EPB41L4B: variants seen among roughly 807,000 people sequenced by gnomAD.
EPB41L4B encodes the protein band 4.1-like protein 4B.
Under a neutral mutation model 112.5 loss-of-function variants are expected in EPB41L4B, and 30 were observed. The observed-to-expected ratio is 0.27, with a 90% CI of 0.20 to 0.36. The LOEUF (loss-of-function observed/expected upper bound fraction) is 0.36, where lower values mean the gene tolerates loss of function less well. Ranked by LOEUF, EPB41L4B falls within the 10% of genes least tolerant of loss-of-function variation. EPB41L4B has a pLI of 1.00. For missense variants in EPB41L4B, 1,024 were observed against 1,133.3 expected (o/e 0.90, Z 1.38); for synonymous variants, 408 against 439.7 (o/e 0.93, Z 0.90).
At chr9:109,263,211 G>A in intron 5 of EPB41L4B, 109 bp from the exon 6 acceptor site, 2 of 725,840 alleles carry the variant, frequency 2.8e-6, no homozygotes, top group Non-Finnish European at 4.7e-6. Flanking sequence ...ATAATGACTT[G>A]TATTCTTAGT....
intron 1 of EPB41L4B, among the ~76,000 whole-genome samples, chr9:109,305,190 G>A (rs76891551): frequency 0.18 from 26,154 of 148,026 alleles, 2,926 homozygotes; most frequent in Admixed American, 0.23. Flanking sequence ...GGGAGAAGTG[G>A]AAGAAGCGCG....
chr9:109,301,784 CAA>C (rs1836977839), intron 1 of EPB41L4B, among the ~76,000 whole-genome samples: 3 of 152,156 alleles, frequency 2.0e-5, no homozygotes, highest in Non-Finnish European at 4.4e-5. Flanking sequence ...AAAATAACCC[CAA>C]CTGATACTCA....
intron 1 of EPB41L4B, among the ~76,000 whole-genome samples, chr9:109,299,826 T>C (rs1302946400): frequency 6.6e-6 from 1 of 152,222 alleles, no homozygotes; most frequent in East Asian, 1.9e-4. Context: ...CTGCCTGTGC[T>C]GAAGTTCATA....
chr9:109,282,354 A>G (rs544347007), intron 1 of EPB41L4B, among the ~76,000 whole-genome samples: 1 of 152,374 alleles, frequency 6.6e-6, no homozygotes, highest in African/African-American at 2.4e-5. Flanking sequence ...TGAATACACT[A>G]AAAGCTGCTG....
At position 109,258,391 on chromosome 9, in the gene EPB41L4B, A is replaced by G. The variant is rs895140719; in HGVS notation, c.632-94T>C. On this transcript the variant is annotated intron_variant, in intron 6 of 25. Transcript: ENST00000374566. ...CCAAAGGCATTTTGCATCATTATAA[A>G]GCACAGCCCCCCGCCCCAATGTATA... 7.4e-6 allele frequency: 10 copies of G among 1,345,046 alleles called. No homozygotes were observed. In the African/African-American group the frequency reaches 1.0e-4, roughly 14 times the overall value. The allele number at this position is 1,345,046 out of a possible 1,614,324, so 83.3% of individuals were successfully genotyped here. A position where few individuals can be genotyped will look rare whatever the true frequency, so the allele number is the denominator to read the frequency against.
rs1177815562 is a variant in EPB41L4B, at chr9:109,200,292, C to T, written c.1989G>A (p.Val663=). 1.2e-6 allele frequency: 2 copies of T among 1,614,084 alleles called. No homozygotes were observed. Among genetic ancestry groups the T allele is most frequent in the Non-Finnish European group, 1.7e-6 (2 of 1,180,016 alleles). Reference sequence around the variant, plus strand: ...GGGGAGGCTTGATTTCCGGCTTTTCCACAGCTGGCTGGGCAGTTTCCACAC... The same window carrying T: ...GGGGAGGCTTGATTTCCGGCTTTTCTACAGCTGGCTGGGCAGTTTCCACAC... ...PIRVETAQPA[V]EKPEIKPPRV... The change falls in exon 20 of 26, where the codon GTG becomes GTA. Residue 663 remains valine (V), a synonymous_variant. Coordinates refer to ENST00000374566, the MANE Select transcript of EPB41L4B (RefSeq NM_019114.5).
At chr9:109,318,302 A>C (rs1012953965) in intron 1 of EPB41L4B, among the ~76,000 whole-genome samples, 1 of 152,152 alleles carries the variant, frequency 6.6e-6, no homozygotes, top group Non-Finnish European at 1.5e-5. Flanking sequence ...TTATAAAGTG[A>C]AGAAACCTTT....
In EPB41L4B at chr9:109,247,749, A is replaced by G; in HGVS notation, c.1344+7T>C. ...TTTAAAGAAAACCTTTAAAAGCAGT[A>G]TCTTACCTGGTAATTATGGACTTCT... is the stretch of plus-strand genomic sequence containing the variant. On this transcript the variant is annotated splice_region_variant and intron_variant, in intron 14 of 25. Transcript: ENST00000374566. 6.7e-7 allele frequency: 1 copy of G among 1,482,138 alleles called. No homozygotes were observed. The highest frequency in any genetic ancestry group is 9.0e-7 in the Non-Finnish European group (1 of 1,114,438). 91.8% of individuals were successfully genotyped at this position (1,482,138 alleles called of 1,614,324 possible). A position where few individuals can be genotyped will look rare whatever the true frequency, so the allele number is the denominator to read the frequency against.
Position 109,321,037 on chromosome 9 carries a change from C to G in EPB41L4B, c.-591G>C. The G allele has an allele frequency of 5.3e-6, 1 of 190,116 alleles. No homozygotes were observed. Among genetic ancestry groups the G allele is most frequent in the Non-Finnish European group, 1.1e-5 (1 of 94,264 alleles). 11.8% of individuals were successfully genotyped at this position (190,116 alleles called of 1,614,324 possible). On this transcript the variant is annotated 5_prime_UTR_variant, in exon 1 of 26. Coordinates refer to ENST00000374566, the MANE Select transcript of EPB41L4B (RefSeq NM_019114.5). ...GCCGCCGCCGCCGCCGCCGCCGCTG[C>G]CGCCGGGACTGCAGCACGCCCTCCT... is the stretch of plus-strand genomic sequence containing the variant.
intron 16 of EPB41L4B, among the ~76,000 whole-genome samples, chr9:109,216,378 C>T (rs146780809): frequency 2.2e-4 from 34 of 152,164 alleles, no homozygotes; most frequent in African/African-American, 5.5e-4. Flanking sequence ...TGGTGGCTCA[C>T]GCCTGTAATC....
At chr9:109,257,982 C>T (rs751388220) in intron 7 of EPB41L4B, among the ~76,000 whole-genome samples, 195 bp downstream of exon 7, 6 of 152,080 alleles carry the variant, frequency 3.9e-5, no homozygotes, top group East Asian at 1.9e-4. Context: ...GGCAACAGAG[C>T]GAGACTCTCT....
chr9:109,226,726 GTATATATATGAAGAA>G (rs1319754156), intron 15 of EPB41L4B, among the ~76,000 whole-genome samples: 7 of 119,866 alleles, frequency 5.8e-5, no homozygotes, highest in Non-Finnish European at 8.5e-5. Context: ...TATATATGAA[GTATATATATGAAGAA>G]TATATATATG....
intron 4 of EPB41L4B, 126 bp downstream of exon 4, chr9:109,267,347 C>T (rs543911812): frequency 1.7e-6 from 1 of 605,782 alleles, no homozygotes; most frequent in African/African-American, 1.9e-5. Flanking sequence ...CGGAAAAGTA[C>T]TAATAACTCT....
chr9:109,256,769 C>T (rs1222580337), intron 7 of EPB41L4B, among the ~76,000 whole-genome samples: 6 of 152,178 alleles, frequency 3.9e-5, no homozygotes, highest in African/African-American at 1.4e-4. Context: ...ATGGTGAAAC[C>T]CCATCTCTGC....
chr9:109,194,180 C>A, intron 21 of EPB41L4B, 40 bp downstream of exon 21: 2 of 1,590,518 alleles, frequency 1.3e-6, no homozygotes, highest in Non-Finnish European at 1.7e-6. Context: ...GAATTCCCAG[C>A]AAGTGTGGCT....
intron 5 of EPB41L4B, among the ~76,000 whole-genome samples, chr9:109,263,936 T>C (rs1835307409): frequency 6.6e-6 from 1 of 152,182 alleles, no homozygotes; most frequent in Non-Finnish European, 1.5e-5. Context: ...TACAAAGTAC[T>C]GTACAAATGC....
At chr9:109,309,830 G>T (rs1466333774) in intron 1 of EPB41L4B, among the ~76,000 whole-genome samples, 1 of 151,970 alleles carries the variant, frequency 6.6e-6, no homozygotes, top group African/African-American at 2.4e-5. Context: ...AACAACTGGG[G>T]GAAGGTAGAG....
intron 21 of EPB41L4B, among the ~76,000 whole-genome samples, chr9:109,193,180 C>A (rs527529355): frequency 6.6e-6 from 1 of 152,188 alleles, no homozygotes; most frequent in Non-Finnish European, 1.5e-5. Context: ...CTTGGCCAGT[C>A]GCTGGCTGAG....
At chr9:109,288,964 A>T (rs1438877041) in intron 1 of EPB41L4B, among the ~76,000 whole-genome samples, 3 of 152,034 alleles carry the variant, frequency 2.0e-5, no homozygotes, top group Non-Finnish European at 2.9e-5. Flanking sequence ...AATTTACCCA[A>T]TCTAAGGTAT....
Sources: gnomAD v4.1 joint callset for allele counts (sites outside exome capture counted in the v4.1 genomes callset) on GRCh38, gnomAD v4.1.1 for gene constraint, MANE v1.5 for transcripts, NCBI Gene and HGNC (gene_info 2026-07-23, HGNC 2026-07-21) for gene names.